The following PEX26 variants were observed in gnomAD, a reference collection of about 807,000 sequenced individuals.
The protein encoded by PEX26 is peroxisomal biogenesis factor 26.
Under a neutral mutation model 31.4 loss-of-function variants are expected in PEX26, and 18 were observed. The ratio of observed to expected loss-of-function variants is 0.57; its 90% CI spans 0.40 to 0.85. PEX26 has a LOEUF of 0.85. PEX26 is among the 40% of genes least tolerant of loss of function. The pLI, the probability that PEX26 is intolerant of heterozygous loss-of-function variation, is 0.00. For missense variants in PEX26, 377 were observed against 383.9 expected (o/e 0.98, Z 0.15); for synonymous variants, 176 against 166.9 (o/e 1.05, Z -0.42).
At position 18,100,252 on chromosome 22, in the gene PEX26, T is replaced by C. The variant is rs1197815141; in HGVS notation, c.*12177T>C. ...CACCATGCCCAGCTAATTTTATATT[T>C]TTAGTAGAGGCAGGGTTTCGCTGTG... On this transcript the variant is annotated 3_prime_UTR_variant, in exon 5 of 5. Coordinates refer to ENST00000399744, the MANE Select transcript of PEX26 (RefSeq NM_001127649.3). 6.6e-6 allele frequency: 1 copy of C among 152,096 alleles called. No homozygotes were observed. The highest frequency in any genetic ancestry group is 1.5e-5 in the Non-Finnish European group (1 of 68,020). 9.4% of individuals were successfully genotyped at this position (152,096 alleles called of 1,614,324 possible).
chr22:18,078,805 G>A, intron 1 of PEX26, 199 bp downstream of exon 1: 1 of 706,108 alleles, frequency 1.4e-6, no homozygotes, highest in Non-Finnish European at 2.6e-6. Context: ...AAAACTTAGT[G>A]GGGATCCCAC....
rs1927292796 is a variant in PEX26, at chr22:18,096,416, C to G, written c.*8341C>G. 6.6e-6 allele frequency: 1 copy of G among 151,014 alleles called. No homozygotes were observed. 9.4% of individuals were successfully genotyped at this position (151,014 alleles called of 1,614,324 possible). A position where few individuals can be genotyped will look rare whatever the true frequency, so the allele number is the denominator to read the frequency against. On this transcript the variant is annotated 3_prime_UTR_variant, in exon 5 of 5. Transcript: ENST00000399744. ...TAGGAACTAGGCTTTGCAAATGGCT[C>G]TGAATTTTTTTTTTTTTTTTGAGAT...
In PEX26 at chr22:18,079,995, C is replaced by G. The variant is rs1196346206; in HGVS notation, c.352C>G (p.Pro118Ala). ...QYYQVPEKLP[P>A]KVLELCILLY... Reference sequence around the variant, plus strand: ...TTACCAGGTCCCTGAAAAGCTACCCCCCAAAGTCCTGGAGCTGTGGTAAGT... The same window carrying G: ...TTACCAGGTCCCTGAAAAGCTACCCGCCAAAGTCCTGGAGCTGTGGTAAGT... Residue 118 changes from proline to alanine, a missense_variant, in exon 2 of 5, where the codon CCC (proline) becomes GCC (alanine). Pro to Ala is a conservative substitution (Grantham distance 27). Transcript: ENST00000399744. The G allele has an allele frequency of 7.4e-6, 12 of 1,614,054 alleles. No individual in the cohort carries two copies. The highest frequency in any genetic ancestry group is 8.5e-6 in the Non-Finnish European group (10 of 1,180,042).
In PEX26 at chr22:18,078,027, C is replaced by A. The variant is rs1241372377; in HGVS notation, c.-350C>A. On this transcript the variant is annotated 5_prime_UTR_variant, in exon 1 of 5. Coordinates refer to ENST00000399744, the MANE Select transcript of PEX26 (RefSeq NM_001127649.3). ...GGCTGGGCGAGCGCAAAGATGTCCG[C>A]GCCCGCTGCCGGGAGGCGAGGTGAG... 1 of 479,118 alleles carries A rather than the reference C, an allele frequency of 2.1e-6. No homozygotes were observed. The highest frequency in any genetic ancestry group is 2.0e-5 in the African/African-American group (1 of 50,896). The allele number at this position is 479,118 out of a possible 1,614,324, so 29.7% of individuals were successfully genotyped here.
rs1310623186 is a variant in PEX26 at position 18,104,845 on chromosome 22, G to C, written c.*16770G>C. The C allele has an allele frequency of 6.6e-6, 1 of 152,174 alleles. No homozygotes were observed. Among genetic ancestry groups the C allele is most frequent in the Non-Finnish European group, 1.5e-5 (1 of 68,052 alleles). The allele number at this position is 152,174 out of a possible 1,614,324, so 9.4% of individuals were successfully genotyped here. A position where few individuals can be genotyped will look rare whatever the true frequency, so the allele number is the denominator to read the frequency against. ...TCTTGATTGCGGCTGCTGCAGCCAT[G>C]TAAACCTTAAAGGCGAGCCAATTTG... On this transcript the variant is annotated 3_prime_UTR_variant, in exon 5 of 5. Transcript: ENST00000399744.
chr22:18,078,540 TG>T lies in PEX26; in HGVS notation c.166del (p.Glu56ArgfsTer26). On this transcript the variant is annotated frameshift_variant, in exon 1 of 5. Coordinates refer to ENST00000399744, the MANE Select transcript of PEX26 (RefSeq NM_001127649.3). LOFTEE classifies it high-confidence loss of function. ...LVVHLDFRAA[L>X]ETCERAWQSL... Reference sequence around the variant, plus strand: ...GTGCACCTGGACTTCCGGGCGGCGCTGGAGACCTGCGAGCGGGCCTGGCAGA... The same window carrying T: ...GTGCACCTGGACTTCCGGGCGGCGCTGAGACCTGCGAGCGGGCCTGGCAGA... The T allele has an allele frequency of 6.3e-7, 1 of 1,585,636 alleles. No homozygotes were observed.
chr22:18,084,237 CTTTTTTTT>C (rs362041), intron 3 of PEX26, among the ~76,000 whole-genome samples: 19 of 95,320 alleles, frequency 2.0e-4, no homozygotes, highest in East Asian at 1.2e-3. Flanking sequence ...ATCTCTCTCT[CTTTTTTTT>C]TTTTTTTTTT....
chr22:18,078,632 C>T, intron 1 of PEX26, 26 bp downstream of exon 1: 5 of 1,578,412 alleles, frequency 3.2e-6, no homozygotes, highest in Non-Finnish European at 4.3e-6. Context: ...GGAAATGAAC[C>T]GATTTCCGGG....
Position 18,087,856 on chromosome 22 carries a change from AAAAC to A in PEX26, c.815-112_815-109del, listed in dbSNP as rs1246047671. Reference sequence around the variant, plus strand: ...ACAGAGCGAGACCCTGTCTCTAAAAAAAACAAAACAAAACCAACTATGTGTAATT... The same window carrying A: ...ACAGAGCGAGACCCTGTCTCTAAAAAAAAACAAAACCAACTATGTGTAATT... On this transcript the variant is annotated intron_variant, in intron 4 of 4. Transcript: ENST00000399744. 6.3e-6 allele frequency: 5 copies of A among 790,398 alleles called. No individual in the cohort carries two copies. In the African/African-American group the frequency reaches 8.4e-5, roughly 13 times the overall value. 49.0% of individuals were successfully genotyped at this position (790,398 alleles called of 1,614,324 possible).
rs749431005 is a variant in PEX26 at position 18,088,251 on chromosome 22, C to T, written c.*176C>T. 5.7e-5 allele frequency: 40 copies of T among 700,014 alleles called. No individual in the cohort carries two copies. The highest frequency in any genetic ancestry group is 8.1e-5 in the Non-Finnish European group (31 of 382,296). The allele number at this position is 700,014 out of a possible 1,614,324, so 43.4% of individuals were successfully genotyped here. ...CTTTGCACCCTACTTCGGCTGGTCG[C>T]GGTAGATGATGTGGAAACAAAGCAG... On this transcript the variant is annotated 3_prime_UTR_variant, in exon 5 of 5. Transcript: ENST00000399744. This position sits in a 1 kb window ranked among gnomAD's most constrained non-coding sequence, Gnocchi z 4.1.
intron 2 of PEX26, among the ~76,000 whole-genome samples, chr22:18,081,230 A>G (rs945176116): frequency 4.0e-5 from 5 of 124,622 alleles, no homozygotes; most frequent in Non-Finnish European, 8.1e-5. Flanking sequence ...CATAATATAC[A>G]TATATGTACA....
intron 2 of PEX26, 121 bp downstream of exon 2, chr22:18,080,135 T>G: frequency 9.3e-7 from 1 of 1,075,352 alleles, no homozygotes; most frequent in Middle Eastern, 2.3e-4. Flanking sequence ...ATTCTTTCCC[T>G]TCACTTTTTT....
chr22:18,087,880 G>A (rs1164509666), intron 4 of PEX26, 92 bp from the exon 5 acceptor site: 3 of 845,042 alleles, frequency 3.6e-6, no homozygotes, highest in Admixed American at 1.7e-5. Context: ...CCAACTATGT[G>A]TAATTGGTAG....
Position 18,103,508 on chromosome 22 carries a change from A to G in PEX26, c.*15433A>G, listed in dbSNP as rs999958019. On this transcript the variant is annotated 3_prime_UTR_variant, in exon 5 of 5. Transcript: ENST00000399744. ...TCTTCCATGTCTTCAAACTCCTGGT[A>G]ATACTTGTCCACAAAATTTCTCTAT... 1.3e-5 allele frequency: 2 copies of G among 152,170 alleles called. No homozygotes were observed. Among genetic ancestry groups the G allele is most frequent in the African/African-American group, 4.8e-5 (2 of 41,422 alleles). 9.4% of individuals were successfully genotyped at this position (152,170 alleles called of 1,614,324 possible). A position where few individuals can be genotyped will look rare whatever the true frequency, so the allele number is the denominator to read the frequency against.
chr22:18,092,755 G>A lies in PEX26; in HGVS notation c.*4680G>A, dbSNP rs1476263810. ...CCAGCACTTTGGGAGGCCAGAGTGG[G>A]AGGATTGCTTGAGCCTAGGAGTTCA... On this transcript the variant is annotated 3_prime_UTR_variant, in exon 5 of 5. Coordinates refer to ENST00000399744, the MANE Select transcript of PEX26 (RefSeq NM_001127649.3). 2 of 135,724 alleles carry A rather than the reference G, an allele frequency of 1.5e-5. No homozygotes were observed. Among genetic ancestry groups the A allele is most frequent in the Non-Finnish European group, 3.0e-5 (2 of 65,676 alleles). 8.4% of individuals were successfully genotyped at this position (135,724 alleles called of 1,614,324 possible).
intron 1 of PEX26, 129 bp downstream of exon 1, chr22:18,078,735 C>T (rs1481886633): frequency 2.3e-6 from 2 of 872,314 alleles, no homozygotes; most frequent in East Asian, 5.3e-5. Context: ...AGTGGTTTGT[C>T]TCCGAGAGGG....
intron 2 of PEX26, among the ~76,000 whole-genome samples, chr22:18,081,245 TACACACACACACACACACAC>T (rs59081749): frequency 7.2e-6 from 1 of 138,024 alleles, no homozygotes; most frequent in Admixed American, 7.4e-5. Flanking sequence ...TGTACACATA[TACACACACACACACACACAC>T]ACACACACAC....
rs1206699612 is a variant in PEX26, at chr22:18,098,226, A to C, written c.*10151A>C. 3 of 151,778 alleles carry C rather than the reference A, an allele frequency of 2.0e-5. No homozygotes were observed. The highest frequency in any genetic ancestry group is 4.4e-5 in the Non-Finnish European group (3 of 67,890). 9.4% of individuals were successfully genotyped at this position (151,778 alleles called of 1,614,324 possible). A position where few individuals can be genotyped will look rare whatever the true frequency, so the allele number is the denominator to read the frequency against. ...ACTCTGTCTCACACATACACACACA[A>C]AAAAAGTATAAATATATAGCTTTCT... is the stretch of plus-strand genomic sequence containing the variant. On this transcript the variant is annotated 3_prime_UTR_variant, in exon 5 of 5. Coordinates refer to ENST00000399744, the MANE Select transcript of PEX26 (RefSeq NM_001127649.3).
At position 18,088,297 on chromosome 22, in the gene PEX26, C is replaced by G. The variant is rs1163702810; in HGVS notation, c.*222C>G. 1.3e-5 allele frequency: 9 copies of G among 672,206 alleles called. No individual in the cohort carries two copies. The highest frequency in any genetic ancestry group is 2.5e-5 in the Non-Finnish European group (9 of 363,638). The allele number at this position is 672,206 out of a possible 1,614,324, so 41.6% of individuals were successfully genotyped here. On this transcript the variant is annotated 3_prime_UTR_variant, in exon 5 of 5. Transcript: ENST00000399744. The surrounding 1 kb of genome is among the most constrained non-coding windows in gnomAD (Gnocchi z 4.1). ...AGCAGGACCAGCAGGCACAGCACCTCCAGAACAGTGCCCCGGATGACCAGA... is the reference window on the plus strand; with the variant it reads ...AGCAGGACCAGCAGGCACAGCACCTGCAGAACAGTGCCCCGGATGACCAGA...
Sources: allele counts gnomAD v4.1 joint callset (sites outside exome capture counted in the v4.1 genomes callset), GRCh38; gene constraint gnomAD v4.1.1; non-coding constraint Gnocchi (gnomAD v3.1); transcripts MANE v1.5; gene names NCBI Gene and HGNC (gene_info 2026-07-23, HGNC 2026-07-21).